The following PHAX variants were observed in gnomAD, a reference collection of about 807,000 sequenced individuals.
PHAX encodes the protein phosphorylated adaptor for RNA export, also known as phosphorylated adapter RNA export protein.
In PHAX, 31 loss-of-function variants were observed where a neutral mutation model predicts 41.6. The ratio of observed to expected loss-of-function variants is 0.75; its 90% CI spans 0.56 to 1.01. The LOEUF (loss-of-function observed/expected upper bound fraction) is 1.01. Among genes scored for constraint, PHAX ranks in the 50% least tolerant of loss-of-function variants. The pLI is 0.00. For synonymous variants in PHAX, 175 were observed against 164.9 expected, an observed-to-expected ratio of 1.06 and a Z score of -0.47; for missense variants, 453 against 472.9, an observed-to-expected ratio of 0.96 and a Z score of 0.39.
chr5:126,608,793 A>C (rs1387822669), intron 3 of PHAX, among the ~76,000 whole-genome samples: 1 of 151,834 alleles, frequency 6.6e-6, no homozygotes, highest in Admixed American at 6.6e-5. Flanking sequence ...AAAATTAGCC[A>C]AGCGTGGTGG....
At chr5:126,605,539 G>T (rs1413826075) in intron 2 of PHAX, among the ~76,000 whole-genome samples, 1 of 150,356 alleles carries the variant, frequency 6.7e-6, no homozygotes, top group Non-Finnish European at 1.5e-5. Context: ...ATAGGCATTC[G>T]CCACCACACC....
At chr5:126,608,730 A>C (rs1410701814) in intron 3 of PHAX, among the ~76,000 whole-genome samples, 1 of 152,044 alleles carries the variant, frequency 6.6e-6, no homozygotes, top group Non-Finnish European at 1.5e-5. Context: ...TGAGATCGGG[A>C]GTTCGAGACC....
chr5:126,612,034 G>A (rs185652409), intron 3 of PHAX, among the ~76,000 whole-genome samples: 117 of 152,228 alleles, frequency 7.7e-4, no homozygotes, highest in African/African-American at 2.7e-3. Context: ...GAACTAGCAT[G>A]AAGTGAGCAG....
intron 1 of PHAX, among the ~76,000 whole-genome samples, chr5:126,602,662 C>T (rs1160276648): frequency 6.6e-6 from 1 of 152,110 alleles, no homozygotes; most frequent in Admixed American, 6.6e-5. Context: ...ATAAATTGAC[C>T]CATGACTTGG....
chr5:126,621,266 G>A (rs1050162068), intron 4 of PHAX, among the ~76,000 whole-genome samples: 5 of 152,080 alleles, frequency 3.3e-5, no homozygotes, highest in Admixed American at 3.3e-4. Context: ...GTAGCTCACT[G>A]TAGCCTCAAA....
intron 1 of PHAX, among the ~76,000 whole-genome samples, chr5:126,603,328 A>C (rs1751933783): frequency 6.6e-6 from 1 of 152,230 alleles, no homozygotes; most frequent in Non-Finnish European, 1.5e-5. Context: ...AGCTTTGGTA[A>C]TATAGTAGAA....
At chr5:126,608,554 A>C (rs149908038) in intron 3 of PHAX, 70 bp downstream of exon 3, 8 of 1,224,760 alleles carry the variant, frequency 6.5e-6, no homozygotes, top group Middle Eastern at 2.1e-4. Context: ...TACAAATTTA[A>C]CTTTGCCCTT....
At chr5:126,619,469 G>C (rs898553856) in intron 4 of PHAX, among the ~76,000 whole-genome samples, 5 of 151,906 alleles carry the variant, frequency 3.3e-5, no homozygotes, top group East Asian at 3.9e-4. Context: ...CCTGCTACTC[G>C]GGAGGCTGAC....
intron 3 of PHAX, among the ~76,000 whole-genome samples, chr5:126,609,885 C>T (rs1376529037): frequency 6.6e-6 from 1 of 152,072 alleles, no homozygotes; most frequent in Non-Finnish European, 1.5e-5. Context: ...GGACTATAGC[C>T]TGCCACCACG....
intron 3 of PHAX, among the ~76,000 whole-genome samples, chr5:126,615,893 T>C (rs1752176469): frequency 6.6e-6 from 1 of 152,132 alleles, no homozygotes; most frequent in African/African-American, 2.4e-5. Context: ...ACCATGACTA[T>C]TGAGAAGCCA....
intron 4 of PHAX, among the ~76,000 whole-genome samples, chr5:126,619,359 G>T (rs62392462): frequency 0.15 from 22,683 of 152,004 alleles, 2,228 homozygotes; most frequent in East Asian, 0.38. Flanking sequence ...GGGCAGATCA[G>T]TTGAGTTCAG....
chr5:126,617,214 G>A (rs1171832011), intron 3 of PHAX, 36 bp from the exon 4 acceptor site: 3 of 1,317,578 alleles, frequency 2.3e-6, no homozygotes, highest in South Asian at 1.2e-5. Flanking sequence ...TATGGGAAGA[G>A]TATATGCAGT....
rs1179238458 is a variant in PHAX, at chr5:126,601,058, AG to A, written c.96+1del. 2 of 1,602,394 alleles carry A rather than the reference AG, an allele frequency of 1.2e-6. No individual in the cohort carries two copies. Among genetic ancestry groups the A allele is most frequent in the Non-Finnish European group, 1.7e-6 (2 of 1,173,658 alleles). On this transcript the variant is annotated splice_donor_variant, in intron 1 of 4. Transcript: ENST00000297540. LOFTEE classifies it high-confidence loss of function. ...CCAGCGACAGGCCGCTGCAATTGCC[AG>A]TGAGTGTGAAAGGAGGGTGGGTGAT...
intron 1 of PHAX, 36 bp downstream of exon 1, chr5:126,601,094 G>C: frequency 6.7e-7 from 1 of 1,500,032 alleles, no homozygotes; most frequent in Non-Finnish European, 9.2e-7. Flanking sequence ...TCGTGGCTGG[G>C]CGCGCGGAGC....
At chr5:126,608,517 T>G in intron 3 of PHAX, 33 bp downstream of exon 3, 1 of 1,518,100 alleles carries the variant, frequency 6.6e-7, no homozygotes. Context: ...GTTTTTGTAT[T>G]GTTTATCCTG....
At chr5:126,617,565 G>A (rs1362197792) in intron 4 of PHAX, among the ~76,000 whole-genome samples, 1 of 152,050 alleles carries the variant, frequency 6.6e-6, no homozygotes, top group Non-Finnish European at 1.5e-5. Context: ...TGCAACCTCC[G>A]CCTCCCGGGT....
chr5:126,623,973 A>G lies in PHAX; in HGVS notation c.916-602A>G, dbSNP rs1466249239. Among the ~76,000 whole-genome samples, 6 of 151,182 alleles carry G rather than the reference A, an allele frequency of 4.0e-5. No homozygotes were observed. In the South Asian group the frequency reaches 6.3e-4, roughly 16 times the overall value. ...TAATCTGAAAATCCAAAATGCTCCAAAACTTTTTGACTTTTTGTTTTGGTT... is the reference window on the plus strand; with the variant it reads ...TAATCTGAAAATCCAAAATGCTCCAGAACTTTTTGACTTTTTGTTTTGGTT... On this transcript the variant is annotated intron_variant, in intron 4 of 4. Transcript: ENST00000297540.
rs1240412298 is a variant in PHAX at position 126,604,038 on chromosome 5, G to A, written c.565G>A (p.Glu189Lys). 8 of 1,613,818 alleles carry A rather than the reference G, an allele frequency of 5.0e-6. No individual in the cohort carries two copies. The Admixed American group carries it at 1.2e-4, about 24-fold the overall frequency. ...MHGGKKMGSK[E>K]EENGQGHLKR... ...TGGTGGCAAAAAAATGGGATCAAAG[G>A]AAGAGGAAAATGGGCAAGGTCATCT... Residue 189 changes from glutamate to lysine, a missense_variant, in exon 2 of 5, where the codon GAA becomes AAA. Glu to Lys is a moderately conservative substitution (Grantham distance 56). Transcript: ENST00000297540.
At chr5:126,614,029 C>G (rs975491849) in intron 3 of PHAX, among the ~76,000 whole-genome samples, 1 of 151,724 alleles carries the variant, frequency 6.6e-6, no homozygotes, top group Non-Finnish European at 1.5e-5. Flanking sequence ...CCATCTGCCT[C>G]TAGGATTACA....
Sources: gnomAD v4.1 joint callset for allele counts (sites outside exome capture counted in the v4.1 genomes callset) on GRCh38, gnomAD v4.1.1 for gene constraint, MANE v1.5 for transcripts, NCBI Gene and HGNC (gene_info 2026-07-23, HGNC 2026-07-21) for gene names.